The following TNRC18 variants were observed in gnomAD, a reference collection of about 807,000 sequenced individuals.
The protein encoded by TNRC18 is trinucleotide repeat containing 18, also known as trinucleotide repeat-containing gene 18 protein.
Under a neutral mutation model 226.7 loss-of-function variants are expected in TNRC18, and 69 were observed. The observed-to-expected ratio is 0.30, with a 90% CI of 0.25 to 0.37. The LOEUF (loss-of-function observed/expected upper bound fraction) is 0.37, where lower values mean the gene tolerates loss of function less well. Among genes scored for constraint, TNRC18 ranks in the 10% least tolerant of loss-of-function variants. TNRC18 has a pLI of 1.00. For missense variants in TNRC18, 4,754 were observed against 4,256.6 expected, an observed-to-expected ratio of 1.12 and a Z score of -3.25; for synonymous variants, 2,449 against 1,927.6, an observed-to-expected ratio of 1.27 and a Z score of -7.09.
At chr7:5,352,489 G>A (rs746738467) in intron 16 of TNRC18, among the ~76,000 whole-genome samples, 1 of 152,226 alleles carries the variant, frequency 6.6e-6, no homozygotes, top group South Asian at 2.1e-4. Context: ...CAACCGCAGA[G>A]GACCTGACTC....
At chr7:5,376,762 T>C (rs1471297136) in intron 8 of TNRC18, 85 bp downstream of exon 8, 2 of 1,520,512 alleles carry the variant, frequency 1.3e-6, no homozygotes, top group East Asian at 2.4e-5. Flanking sequence ...CCGCCACCCC[T>C]CAGCAGGAAG....
chr7:5,378,360 A>G (rs1779156571), intron 5 of TNRC18, among the ~76,000 whole-genome samples: 1 of 152,218 alleles, frequency 6.6e-6, no homozygotes. Context: ...TCACATAACA[A>G]TGAAACGTGA....
chr7:5,405,286 AGGC>A (rs1270149752), intron 2 of TNRC18, among the ~76,000 whole-genome samples: 1 of 152,034 alleles, frequency 6.6e-6, no homozygotes, highest in Non-Finnish European at 1.5e-5. Flanking sequence ...AAGTTAGCCA[AGGC>A]TAGGCACTGC....
chr7:5,415,604 C>T (rs1282147005), intron 2 of TNRC18, among the ~76,000 whole-genome samples: 1 of 150,548 alleles, frequency 6.6e-6, no homozygotes, highest in African/African-American at 2.4e-5. Context: ...TGGTCTCGAA[C>T]TCCTGACCTC....
chr7:5,401,318 G>A (rs917374927), intron 2 of TNRC18, among the ~76,000 whole-genome samples: 1 of 152,118 alleles, frequency 6.6e-6, no homozygotes, highest in African/African-American at 2.4e-5. Flanking sequence ...CTGCCAATGG[G>A]CTAGTCCAGA....
intron 17 of TNRC18, among the ~76,000 whole-genome samples, chr7:5,351,219 A>G (rs930337473): frequency 6.6e-6 from 1 of 151,096 alleles, no homozygotes; most frequent in African/African-American, 2.4e-5. Flanking sequence ...GTGGGGGAGA[A>G]ACAAAATGAG....
In TNRC18 at chr7:5,323,665, T is replaced by C. The variant is rs1472699975; in HGVS notation, c.6442+549A>G. On this transcript the variant is annotated intron_variant, in intron 21 of 29. Transcript: ENST00000430969. ...TCACCGCAACCTCCGCCTCCTGGTT[T>C]CAAGTGATTCTCCTGCCCCAGCCTC... is the stretch of plus-strand genomic sequence containing the variant. Among the ~76,000 whole-genome samples the C allele has an allele frequency of 5.3e-5, 8 of 150,196 alleles. No individual in the cohort carries two copies. In the East Asian group the frequency reaches 1.2e-3, roughly 23 times the overall value.
In TNRC18 at chr7:5,389,471, T is replaced by TTTTTTTTTTTTTTTTTCC. The variant is rs549108764; in HGVS notation, c.488-136_488-135insGGAAAAAAAAAAAAAAAA. ...AGTGTTTTGGTTTTGGTTTTTTTTT[T>TTTTTTTTTTTTTTTTTCC]CAGAAAGAGTCTCGCTCTCCTCACC... On this transcript the variant is annotated intron_variant, in intron 4 of 29. Coordinates refer to ENST00000430969, the MANE Select transcript of TNRC18 (RefSeq NM_001080495.3). The TTTTTTTTTTTTTTTTTCC allele has an allele frequency of 1.1e-4, 103 of 927,150 alleles. No homozygotes were observed. The African/African-American group carries it at 1.9e-3, about 18-fold the overall frequency. 57.4% of individuals were successfully genotyped at this position (927,150 alleles called of 1,614,324 possible). A position where few individuals can be genotyped will look rare whatever the true frequency, so the allele number is the denominator to read the frequency against.
intron 18 of TNRC18, among the ~76,000 whole-genome samples, chr7:5,335,605 G>GAAA (rs60546145): frequency 3.9e-5 from 5 of 126,802 alleles, no homozygotes; most frequent in Non-Finnish European, 4.8e-5. Flanking sequence ...ACTCCGTCTA[G>GAAA]AAAAAAAAAA....
intron 2 of TNRC18, among the ~76,000 whole-genome samples, chr7:5,411,912 T>C (rs1393279205): frequency 6.6e-6 from 1 of 152,136 alleles, no homozygotes; most frequent in Admixed American, 6.5e-5. Context: ...TGGCTGGGCA[T>C]GGTAACTCAC....
intron 16 of TNRC18, among the ~76,000 whole-genome samples, chr7:5,353,075 C>T (rs948349370): frequency 1.3e-5 from 2 of 152,126 alleles, no homozygotes; most frequent in East Asian, 1.9e-4. Flanking sequence ...CAGGATGGTC[C>T]GGCAACTCTT....
At chr7:5,335,607 A>G (rs1209001025) in intron 18 of TNRC18, among the ~76,000 whole-genome samples, 6 of 146,098 alleles carry the variant, frequency 4.1e-5, no homozygotes, top group African/African-American at 1.5e-4. Flanking sequence ...TCCGTCTAGA[A>G]AAAAAAAAAA....
chr7:5,417,669 G>A (rs1376189923), intron 2 of TNRC18, among the ~76,000 whole-genome samples: 1 of 152,170 alleles, frequency 6.6e-6, no homozygotes. Flanking sequence ...ATGAGCAAGT[G>A]AGGAAAGAAG....
chr7:5,307,663 C>T lies in TNRC18; in HGVS notation c.*443G>A, dbSNP rs538749983. On this transcript the variant is annotated 3_prime_UTR_variant, in exon 30 of 30. Coordinates refer to ENST00000430969, the MANE Select transcript of TNRC18 (RefSeq NM_001080495.3). The stretch of plus-strand genomic sequence containing the variant: ...CGGTGGGAGGCCTTGGGGTGGGCTC[C>T]ATGCTAAGGGTGCTTGGGAAGCCCA... 10 of 361,128 alleles carry T rather than the reference C, an allele frequency of 2.8e-5. No individual in the cohort carries two copies. Among genetic ancestry groups the T allele is most frequent in the Admixed American group, 1.1e-4 (3 of 28,186 alleles). 22.4% of individuals were successfully genotyped at this position (361,128 alleles called of 1,614,324 possible). A position where few individuals can be genotyped will look rare whatever the true frequency, so the allele number is the denominator to read the frequency against.
chr7:5,386,574 C>A (rs370435749), intron 5 of TNRC18, among the ~76,000 whole-genome samples: 74 of 132,968 alleles, frequency 5.6e-4, no homozygotes, highest in East Asian at 6.8e-4. Context: ...ACTCTGTCTC[C>A]AAAAAAAAAA....
chr7:5,345,798 T>A lies in TNRC18; in HGVS notation c.5483A>T (p.Glu1828Val), dbSNP rs1192026685. The A allele has an allele frequency of 6.5e-7, 1 of 1,543,712 alleles. No homozygotes were observed. Among genetic ancestry groups the A allele is most frequent in the Non-Finnish European group, 8.7e-7 (1 of 1,146,588 alleles). ...EESFDQDESS[E>V]EEDEEEELEE... Reference sequence around the variant, plus strand: ...GAGCTCCTCCTCCTCGTCCTCCTCCTCCGAGCTCTCATCTGGCGTGCAGAA... The same window carrying A: ...GAGCTCCTCCTCCTCGTCCTCCTCCACCGAGCTCTCATCTGGCGTGCAGAA... The change falls in exon 18 of 30, where the codon GAG becomes GTG. Residue 1828 changes from glutamate (E) to valine (V), a missense_variant. Glu to Val is a moderately radical substitution (Grantham distance 121). Transcript: ENST00000430969.
chr7:5,370,414 C>T lies in TNRC18; in HGVS notation c.4180G>A (p.Ala1394Thr), dbSNP rs1467978003. Residue 1394 changes from alanine to threonine, a missense_variant, in exon 11 of 30, where the codon GCA (alanine) becomes ACA (threonine). Ala to Thr is a moderately conservative substitution (Grantham distance 58). Coordinates refer to ENST00000430969, the MANE Select transcript of TNRC18 (RefSeq NM_001080495.3). ...CTCCTCCTCTCCAGCTCCAGCTCTG[C>T]GATCTCACTTAGCAGGGTGATGCCA... ...LHGITLLSEI[A>T]ELELERRSQE... is the part of the protein sequence containing the mutation. 3 of 1,552,166 alleles carry T rather than the reference C, an allele frequency of 1.9e-6. No individual in the cohort carries two copies. The highest frequency in any genetic ancestry group is 1.4e-5 in the African/African-American group (1 of 73,218).
chr7:5,387,602 A>T, intron 5 of TNRC18, 70 bp downstream of exon 5: 1 of 1,572,888 alleles, frequency 6.4e-7, no homozygotes, highest in East Asian at 2.2e-5. Context: ...AAGGGCCCAC[A>T]CTGTAATGTA....
Position 5,312,884 on chromosome 7 carries a change from A to C in TNRC18, c.8007T>G (p.Ser2669=), listed in dbSNP as rs775591833. The part of the protein sequence containing the change: ...SSSSSSSSSS[S]SSTTDEDSSC... ...AAGAGTCCTCGTCTGTGGTGGAGGA[A>C]GAAGAGGAGGAAGAGGAGGAGGAGG... Residue 2669 remains serine, a synonymous_variant, in exon 27 of 30, where the codon TCT becomes TCG. Transcript: ENST00000430969. This position sits in a 1 kb window ranked among gnomAD's most constrained non-coding sequence, Gnocchi z 6.3. 5 of 1,523,788 alleles carry C rather than the reference A, an allele frequency of 3.3e-6. No homozygotes were observed. The highest frequency in any genetic ancestry group is 4.4e-6 in the Non-Finnish European group (5 of 1,135,356). The allele number at this position is 1,523,788 out of a possible 1,614,324, so 94.4% of individuals were successfully genotyped here.
Sources: allele counts gnomAD v4.1 joint callset (sites outside exome capture counted in the v4.1 genomes callset), GRCh38; gene constraint gnomAD v4.1.1; non-coding constraint Gnocchi (gnomAD v3.1); transcripts MANE v1.5; gene names NCBI Gene and HGNC (gene_info 2026-07-23, HGNC 2026-07-21).